Variants in ADAMTS2 observed in about 807,000 individuals in gnomAD.
ADAMTS2 encodes the protein ADAM metallopeptidase with thrombospondin type 1 motif 2, also known as A disintegrin and metalloproteinase with thrombospondin motifs 2.
In ADAMTS2, 50 loss-of-function variants were observed where a neutral mutation model predicts 123.0. That is an observed-to-expected ratio of 0.41 (90% CI 0.32 to 0.51). The LOEUF is 0.51. Among genes scored for constraint, ADAMTS2 ranks in the 20% least tolerant of loss-of-function variants. ADAMTS2 has a pLI of 0.35. For synonymous variants in ADAMTS2, 678 were observed against 695.4 expected (o/e 0.98, Z 0.39); for missense variants, 1,494 against 1,705.2 (o/e 0.88, Z 2.18).
In ADAMTS2 at chr5:179,193,768, C is replaced by T. The variant is rs138210539; in HGVS notation, c.892-12613G>A. Among the ~76,000 whole-genome samples, 20 of 152,286 alleles carry T rather than the reference C, an allele frequency of 1.3e-4. No individual in the cohort carries two copies. In the East Asian group the frequency reaches 3.1e-3, roughly 24 times the overall value. On this transcript the variant is annotated intron_variant, in intron 4 of 21. Transcript: ENST00000251582. ...CAGGTGGGCAGACCCTCTCTGGGTC[C>T]GATACAAAGTCACCTTTGTGGGAGT...
At chr5:179,219,687 G>A (rs969155720) in intron 3 of ADAMTS2, among the ~76,000 whole-genome samples, 2 of 152,220 alleles carry the variant, frequency 1.3e-5, no homozygotes, top group African/African-American at 2.4e-5. Flanking sequence ...GCAGCTGTGC[G>A]AGCCCCTCTG....
Position 179,139,987 on chromosome 5 carries a change from G to C in ADAMTS2, c.1678C>G (p.Arg560Gly), listed in dbSNP as rs758470555. 6.2e-7 allele frequency: 1 copy of C among 1,614,010 alleles called. No individual in the cohort carries two copies. The highest frequency in any genetic ancestry group is 8.5e-7 in the Non-Finnish European group (1 of 1,180,036). ...CIWLTPDILK[R>G]DGSWGAWSPF... ...CTCCAAGCGCCCCAGCTGCCGTCCC[G>C]TTTGAGGATGTCAGGTGTCAGCCAG... is the stretch of plus-strand genomic sequence containing the variant. Residue 560 changes from arginine to glycine, a missense_variant, in exon 11 of 22, where the codon CGG becomes GGG. Physicochemically the swap from Arg to Gly is moderately radical, Grantham distance 125. Around this residue, in one of 6 missense-constraint regions of ADAMTS2, gnomAD observed 953 missense variants for 1,124.7 expected, o/e 0.85. Transcript: ENST00000251582.
Position 179,127,501 on chromosome 5 carries a change from G to A in ADAMTS2, c.2617+458C>T, listed in dbSNP as rs116680125. On this transcript the variant is annotated intron_variant, in intron 17 of 21. Coordinates refer to ENST00000251582, the MANE Select transcript of ADAMTS2 (RefSeq NM_014244.5). ...GTCCCATCAACTGCAGACTCTCTGG[G>A]GTCCAGAGTGGGTAGGACCCCTCTG... 5.9e-3 allele frequency among the ~76,000 whole-genome samples: 904 copies of A among 152,190 alleles called. 12 individuals are homozygous for A. Among genetic ancestry groups the A allele is most frequent in the African/African-American group, 0.02 (847 of 41,512 alleles).
Position 179,154,831 on chromosome 5 carries a change from G to C in ADAMTS2, c.1221C>G (p.Ala407=), listed in dbSNP as rs1300558298. The C allele has an allele frequency of 6.2e-7, 1 of 1,612,276 alleles. No homozygotes were observed. Among genetic ancestry groups the C allele is most frequent in the Non-Finnish European group, 8.5e-7 (1 of 1,179,416 alleles). The change falls in exon 7 of 22, where the codon GCC becomes GCG. Residue 407 remains alanine, a synonymous_variant. Transcript: ENST00000251582. Reference sequence around the variant, plus strand: ...CCACTTACACGTGGCCAGTCTCATGGGCCACCACAAACGCTGAGGAGAAGC... The same window carrying C: ...CCACTTACACGTGGCCAGTCTCATGCGCCACCACAAACGCTGAGGAGAAGC... The part of the protein sequence containing the change: ...EDGFSSAFVV[A]HETGHVLGME...
Position 179,189,590 on chromosome 5 carries a change from T to G in ADAMTS2, c.892-8435A>C, listed in dbSNP as rs35601097. Reference sequence around the variant, plus strand: ...GCCAGGATGGTCTTGATCTCCTGACTTCATGATCTGCCCGCCTCGGCCTCC... The same window carrying G: ...GCCAGGATGGTCTTGATCTCCTGACGTCATGATCTGCCCGCCTCGGCCTCC... On this transcript the variant is annotated intron_variant, in intron 4 of 21. Transcript: ENST00000251582. The surrounding 1 kb of genome is among the most constrained non-coding windows in gnomAD (Gnocchi z 4.2). Among the ~76,000 whole-genome samples the G allele has an allele frequency of 7.1e-6, 1 of 141,620 alleles. No homozygotes were observed. Among genetic ancestry groups the G allele is most frequent in the African/African-American group, 2.6e-5 (1 of 38,062 alleles). The allele number at this position is 141,620 out of a possible 152,430, so 92.9% of individuals were successfully genotyped here.
chr5:179,158,091 G>T lies in ADAMTS2; in HGVS notation c.1132+632C>A, dbSNP rs1053907053. ...ACCATTCTCCTGCCTCAGCCTCCCG[G>T]GTAGCTGGGACTACAGGCGCCCGCC... On this transcript the variant is annotated intron_variant, in intron 6 of 21. Transcript: ENST00000251582. This position sits in a 1 kb window ranked among gnomAD's most constrained non-coding sequence, Gnocchi z 5.0. Among the ~76,000 whole-genome samples the T allele has an allele frequency of 6.6e-6, 1 of 151,308 alleles. No individual in the cohort carries two copies. Among genetic ancestry groups the T allele is most frequent in the Non-Finnish European group, 1.5e-5 (1 of 67,742 alleles).
Position 179,307,548 on chromosome 5 carries a change from C to T in ADAMTS2, c.535-34484G>A, listed in dbSNP as rs191254733. 7.0e-4 allele frequency among the ~76,000 whole-genome samples: 106 copies of T among 152,306 alleles called. 1 individual carries two copies. The highest frequency in any genetic ancestry group is 2.5e-3 in the African/African-American group (102 of 41,576). Reference sequence around the variant, plus strand: ...GCCTGTGACCTCATTCTCTATGCTCCTCACGGCTGCCCCACAGAATCTCTG... The same window carrying T: ...GCCTGTGACCTCATTCTCTATGCTCTTCACGGCTGCCCCACAGAATCTCTG... On this transcript the variant is annotated intron_variant, in intron 2 of 21. Coordinates refer to ENST00000251582, the MANE Select transcript of ADAMTS2 (RefSeq NM_014244.5). The surrounding 1 kb of genome is among the most constrained non-coding windows in gnomAD (Gnocchi z 5.6).
Position 179,235,063 on chromosome 5 carries a change from C to T in ADAMTS2, c.689-27348G>A, listed in dbSNP as rs545699151. Among the ~76,000 whole-genome samples, 4 of 152,328 alleles carry T rather than the reference C, an allele frequency of 2.6e-5. No individual in the cohort carries two copies. In the East Asian group the frequency reaches 7.7e-4, roughly 29 times the overall value. ...TGCCTGCCCTGCCCTTTCTGGCAGA[C>T]TCCTATTCAGTCTTCAAAACCCAGC... On this transcript the variant is annotated intron_variant, in intron 3 of 21. Coordinates refer to ENST00000251582, the MANE Select transcript of ADAMTS2 (RefSeq NM_014244.5).
chr5:179,139,086 G>C (rs374791196), intron 11 of ADAMTS2, among the ~76,000 whole-genome samples: 6 of 152,366 alleles, frequency 3.9e-5, no homozygotes, highest in African/African-American at 1.4e-4. Context: ...AGCTCTGTGT[G>C]TCTAAGCAGC....
intron 2 of ADAMTS2, among the ~76,000 whole-genome samples, chr5:179,309,762 A>C (rs1756775332): frequency 1.3e-5 from 2 of 148,948 alleles, no homozygotes; most frequent in South Asian, 4.2e-4. Flanking sequence ...GTCTCCAAAA[A>C]AAAAAAAAAA....
At chr5:179,281,117 C>T (rs1561681651) in intron 2 of ADAMTS2, among the ~76,000 whole-genome samples, 1 of 152,232 alleles carries the variant, frequency 6.6e-6, no homozygotes, top group South Asian at 2.1e-4. Context: ...CTCGGCCTCA[C>T]AAAGTGCTGG....
chr5:179,167,224 G>A (rs1581164775), intron 5 of ADAMTS2, among the ~76,000 whole-genome samples: 1 of 146,340 alleles, frequency 6.8e-6, no homozygotes, highest in African/African-American at 2.7e-5. Context: ...AAAGAGGTCG[G>A]GGTGCTGCCC....
intron 3 of ADAMTS2, among the ~76,000 whole-genome samples, chr5:179,265,687 C>T (rs10044464): frequency 0.28 from 43,187 of 152,174 alleles, 6,731 homozygotes; most frequent in East Asian, 0.58. Flanking sequence ...GCTTTCCCAG[C>T]GCCGGCCCCC....
At chr5:179,135,576 C>T (rs1763052091) in intron 13 of ADAMTS2, among the ~76,000 whole-genome samples, 1 of 152,204 alleles carries the variant, frequency 6.6e-6, no homozygotes, top group Non-Finnish European at 1.5e-5. Context: ...TCACAAGGGT[C>T]CCCTGTAGGT....
chr5:179,217,997 A>T (rs184107368), intron 3 of ADAMTS2, among the ~76,000 whole-genome samples: 105 of 152,316 alleles, frequency 6.9e-4, no homozygotes, highest in South Asian at 1.9e-3. Context: ...GATGGGAACA[A>T]GTCATCCTTT....
Position 179,265,068 on chromosome 5 carries a change from G to A in ADAMTS2, c.688+7843C>T, listed in dbSNP as rs992354033. On this transcript the variant is annotated intron_variant, in intron 3 of 21. Transcript: ENST00000251582. ...CACTGAACCCTGCACCAAACTGCCC[G>A]CTGCCCACCCCACTCACCCACCTAG... Among the ~76,000 whole-genome samples the A allele has an allele frequency of 1.0e-4, 10 of 96,852 alleles. 1 individual carries two copies. Among genetic ancestry groups the A allele is most frequent in the Non-Finnish European group, 1.9e-4 (9 of 47,620 alleles). 63.5% of individuals were successfully genotyped at this position (96,852 alleles called of 152,430 possible).
intron 5 of ADAMTS2, among the ~76,000 whole-genome samples, chr5:179,173,246 T>TAAA (rs869045440): frequency 2.0e-5 from 3 of 146,500 alleles, no homozygotes; most frequent in African/African-American, 7.6e-5. Flanking sequence ...ATAATAATAA[T>TAAA]AAAAACCATG....
In ADAMTS2 at chr5:179,299,293, G is replaced by A. The variant is rs183132467; in HGVS notation, c.535-26229C>T. On this transcript the variant is annotated intron_variant, in intron 2 of 21. Coordinates refer to ENST00000251582, the MANE Select transcript of ADAMTS2 (RefSeq NM_014244.5). ...GCCTGTAATCCCAGCACTTTGGGAGGCTGAGGCGGGCGGATCACGAGGTCA... is the reference window on the plus strand; with the variant it reads ...GCCTGTAATCCCAGCACTTTGGGAGACTGAGGCGGGCGGATCACGAGGTCA... Among the ~76,000 whole-genome samples, 122 of 137,468 alleles carry A rather than the reference G, an allele frequency of 8.9e-4. 5 individuals carry two copies. The highest frequency in any genetic ancestry group is 3.1e-3 in the African/African-American group (114 of 36,734). 90.2% of individuals were successfully genotyped at this position (137,468 alleles called of 152,430 possible).
intron 3 of ADAMTS2, among the ~76,000 whole-genome samples, chr5:179,247,357 G>C (rs573906008): frequency 6.6e-6 from 1 of 152,074 alleles, no homozygotes; most frequent in South Asian, 2.1e-4. Context: ...GAAGGAAAAA[G>C]AATGAGGAAA....
Sources: allele counts gnomAD v4.1 joint callset (sites outside exome capture counted in the v4.1 genomes callset), GRCh38; gene constraint gnomAD v4.1.1; regional missense constraint gnomAD v4.1.1; non-coding constraint Gnocchi (gnomAD v3.1); transcripts MANE v1.5; gene names NCBI Gene and HGNC (gene_info 2026-07-23, HGNC 2026-07-21).